Variants in NUMB observed in about 807,000 individuals in gnomAD.
The protein encoded by NUMB is protein numb homolog.
NUMB carries 29 observed loss-of-function variants against 59.7 expected under a neutral mutation model. That is an observed-to-expected ratio of 0.49 (90% CI 0.36 to 0.66). The LOEUF (loss-of-function observed/expected upper bound fraction) is 0.66. NUMB is among the 30% of genes least tolerant of loss of function. NUMB has a pLI of 0.00. For missense variants in NUMB, 723 were observed against 822.0 expected (o/e 0.88, Z 1.47); for synonymous variants, 288 against 288.2 (o/e 1.00, Z 0.01).
chr14:73,404,853 C>T (rs1896586067), intron 2 of NUMB, among the ~76,000 whole-genome samples: 2 of 151,934 alleles, frequency 1.3e-5, no homozygotes, highest in African/African-American at 2.4e-5. Context: ...CTCCGCCTCC[C>T]GGGTTCAAGC....
At chr14:73,408,303 A>C (rs907099236) in intron 2 of NUMB, among the ~76,000 whole-genome samples, 6 of 152,158 alleles carry the variant, frequency 3.9e-5, no homozygotes, top group Admixed American at 3.3e-4. Flanking sequence ...ATCCTGAAAA[A>C]GACTTCCTTT....
At chr14:73,335,035 C>A (rs918784239) in intron 4 of NUMB, among the ~76,000 whole-genome samples, 1 of 151,678 alleles carries the variant, frequency 6.6e-6, no homozygotes, top group Admixed American at 6.6e-5. Context: ...GGTCTCCCCA[C>A]TTTCTTATCT....
intron 1 of NUMB, among the ~76,000 whole-genome samples, chr14:73,412,330 A>G (rs1352760150): frequency 1.3e-5 from 2 of 152,104 alleles, no homozygotes; most frequent in Non-Finnish European, 2.9e-5. Context: ...TATTTTTTAA[A>G]GAGATGAGGG....
At chr14:73,394,405 TAAAAA>T (rs74677402) in intron 2 of NUMB, among the ~76,000 whole-genome samples, 1 of 137,422 alleles carries the variant, frequency 7.3e-6, no homozygotes, top group Non-Finnish European at 1.6e-5. Context: ...CAGTTTTCTT[TAAAAA>T]AAAAAAAAAA....
intron 7 of NUMB, 132 bp from the exon 8 acceptor site, chr14:73,293,006 T>C (rs1305953957): frequency 1.1e-6 from 1 of 890,408 alleles, no homozygotes; most frequent in Non-Finnish European, 1.7e-6. Context: ...CCTAGATCTG[T>C]GTCCAGCAGT....
chr14:73,316,149 A>G (rs891696332), intron 6 of NUMB, among the ~76,000 whole-genome samples: 2 of 152,164 alleles, frequency 1.3e-5, no homozygotes, highest in Non-Finnish European at 2.9e-5. Context: ...GGGATTACAG[A>G]CATGAGCCAC....
At chr14:73,292,974 G>T (rs557304612) in intron 7 of NUMB, 100 bp from the exon 8 acceptor site, 3 of 1,172,804 alleles carry the variant, frequency 2.6e-6, no homozygotes, top group East Asian at 2.4e-5. Context: ...CCATACATCT[G>T]ATACAACTAG....
chr14:73,376,727 C>T (rs1894966324), intron 2 of NUMB, among the ~76,000 whole-genome samples: 1 of 152,070 alleles, frequency 6.6e-6, no homozygotes. Context: ...ACACAGTCAA[C>T]TGGAGCTGAG....
At chr14:73,369,660 T>C (rs1274566605) in intron 2 of NUMB, among the ~76,000 whole-genome samples, 1 of 152,210 alleles carries the variant, frequency 6.6e-6, no homozygotes, top group Non-Finnish European at 1.5e-5. Flanking sequence ...AACAAATGCA[T>C]TTTATGAGAA....
At chr14:73,374,719 C>CTTTTTTT (rs368185389) in intron 2 of NUMB, among the ~76,000 whole-genome samples, 4 of 119,318 alleles carry the variant, frequency 3.4e-5, no homozygotes, top group East Asian at 2.5e-4. Context: ...GTTACATTAA[C>CTTTTTTT]TTTTTTTTTT....
intron 4 of NUMB, among the ~76,000 whole-genome samples, chr14:73,336,636 A>G (rs1338945945): frequency 6.8e-6 from 1 of 146,052 alleles, no homozygotes; most frequent in African/African-American, 2.4e-5. Flanking sequence ...TGGCCTAGGA[A>G]TGGAAGTAAA....
rs1889976446 is a variant in NUMB, at chr14:73,299,481, C to G, written c.235-2196G>C. On this transcript the variant is annotated intron_variant, in intron 6 of 12. Transcript: ENST00000555238. ...CCTGCTTTACAGGTATCAGACTTGC[C>G]AGCCTGCCAGCCCCTACAATCACGA... 2.0e-5 allele frequency: 3 copies of G among 151,600 alleles called. No individual in the cohort carries two copies. The Admixed American group carries it at 2.0e-4, about 10-fold the overall frequency. The allele number at this position is 151,600 out of a possible 1,614,324, so 9.4% of individuals were successfully genotyped here.
intron 11 of NUMB, 25 bp from the exon 12 acceptor site, chr14:73,279,449 A>G (rs906025259): frequency 9.7e-6 from 15 of 1,552,706 alleles, no homozygotes; most frequent in African/African-American, 8.2e-5. Flanking sequence ...GACAACATCA[A>G]TGGAGTTAAT....
At chr14:73,352,368 A>G (rs930526091) in intron 4 of NUMB, among the ~76,000 whole-genome samples, 1 of 148,716 alleles carries the variant, frequency 6.7e-6, no homozygotes, top group South Asian at 2.1e-4. Flanking sequence ...TTTTTCTTAC[A>G]TGTTCTTACA....
intron 2 of NUMB, among the ~76,000 whole-genome samples, chr14:73,385,349 T>C (rs960016791): frequency 1.4e-5 from 2 of 147,910 alleles, no homozygotes; most frequent in Non-Finnish European, 3.0e-5. Context: ...AGTCTCGCTT[T>C]GTTGCCCAAG....
intron 2 of NUMB, among the ~76,000 whole-genome samples, chr14:73,389,311 GTCTC>G (rs139808641): frequency 7.2e-6 from 1 of 139,140 alleles, no homozygotes; most frequent in Non-Finnish European, 1.5e-5. Context: ...AAAAACACTG[GTCTC>G]TGTTTTATAC....
In NUMB at chr14:73,307,728, CTT is replaced by C. The variant is rs34429117; in HGVS notation, c.234+8660_234+8661del. Among the ~76,000 whole-genome samples, 490 of 95,482 alleles carry C rather than the reference CTT, an allele frequency of 5.1e-3. 1 individual carries two copies. The highest frequency in any genetic ancestry group is 0.032 in the South Asian group (78 of 2,410). The allele number at this position is 95,482 out of a possible 152,430, so 62.6% of individuals were successfully genotyped here. On this transcript the variant is annotated intron_variant, in intron 6 of 12. Coordinates refer to ENST00000555238, the MANE Select transcript of NUMB (RefSeq NM_001005743.2). ...TGAAGCAACATAATCGGGCCTCTGT[CTT>C]TTTTTTTTTTTTTTTTTTTTGAGAC...
chr14:73,434,147 T>C (rs1006325911), intron 1 of NUMB, among the ~76,000 whole-genome samples: 2 of 152,164 alleles, frequency 1.3e-5, no homozygotes, highest in Admixed American at 1.3e-4. Context: ...CACAATGATA[T>C]GCTCAACAAC....
At chr14:73,402,875 T>C (rs1896486438) in intron 2 of NUMB, among the ~76,000 whole-genome samples, 1 of 152,216 alleles carries the variant, frequency 6.6e-6, no homozygotes, top group South Asian at 2.1e-4. Context: ...CAGTTAAATG[T>C]GTATTATGTA....
Sources: allele counts gnomAD v4.1 joint callset (sites outside exome capture counted in the v4.1 genomes callset), GRCh38; gene constraint gnomAD v4.1.1; transcripts MANE v1.5; gene names NCBI Gene and HGNC (gene_info 2026-07-23, HGNC 2026-07-21).